Variants in COL15A1 observed in about 807,000 individuals in gnomAD.
COL15A1 encodes the protein collagen type XV alpha 1 chain.
A neutral mutation model predicts 165.9 loss-of-function variants in COL15A1; 111 were observed. The observed-to-expected ratio is 0.67, with a 90% CI of 0.57 to 0.78. The LOEUF (loss-of-function observed/expected upper bound fraction) is 0.78. Among genes scored for constraint, COL15A1 ranks in the 30% least tolerant of loss-of-function variants. The probability of loss-of-function intolerance (pLI) is 0.00; values close to 1 mark genes in which losing one functional copy is unlikely to be tolerated. For missense variants in COL15A1, 1,745 were observed against 1,789.7 expected (o/e 0.98, Z 0.45); for synonymous variants, 659 against 674.8 (o/e 0.98, Z 0.36).
chr9:98,985,647 T>C lies in COL15A1; in HGVS notation c.183T>C (p.Tyr61=). ...LPSSVSFVTG[Y]GGFPAYSFGP... ...CGTCCGTATCCTTTGTCACAGGCTA[T>C]GGTGGCTTCCCGGCCTACAGTTTCG... Residue 61 remains tyrosine (Y), a synonymous_variant, in exon 3 of 42, where the codon TAT becomes TAC. Coordinates refer to ENST00000375001, the MANE Select transcript of COL15A1 (RefSeq NM_001855.5). The C allele has an allele frequency of 6.2e-7, 1 of 1,614,274 alleles. No individual in the cohort carries two copies.
intron 2 of COL15A1, among the ~76,000 whole-genome samples, chr9:98,981,779 G>T (rs970469749): frequency 6.6e-6 from 1 of 152,150 alleles, no homozygotes; most frequent in Non-Finnish European, 1.5e-5. Flanking sequence ...ACGTGGAGTG[G>T]TGGGCACATA....
chr9:99,027,312 A>G (rs1009986895), intron 16 of COL15A1, among the ~76,000 whole-genome samples: 3 of 152,208 alleles, frequency 2.0e-5, no homozygotes. Flanking sequence ...GACTCTGTAG[A>G]CACCACCATC....
chr9:98,994,904 AG>A (rs1349455221), intron 5 of COL15A1, among the ~76,000 whole-genome samples: 1 of 152,032 alleles, frequency 6.6e-6, no homozygotes, highest in Admixed American at 6.5e-5. Context: ...CTGTCCTTGC[AG>A]GGGGGTTGGG....
intron 31 of COL15A1, among the ~76,000 whole-genome samples, chr9:99,053,226 C>T (rs1401248770): frequency 6.6e-6 from 1 of 152,202 alleles, no homozygotes; most frequent in Non-Finnish European, 1.5e-5. Flanking sequence ...TCTTTTTCCT[C>T]CAATATTCAC....
chr9:98,945,185 G>A (rs1458688292), intron 2 of COL15A1, among the ~76,000 whole-genome samples: 3 of 152,200 alleles, frequency 2.0e-5, no homozygotes, highest in South Asian at 2.1e-4. Flanking sequence ...AGCAATGCAA[G>A]TATTTTTATT....
At chr9:98,984,659 G>A (rs149120647) in intron 2 of COL15A1, among the ~76,000 whole-genome samples, 592 of 152,322 alleles carry the variant, frequency 3.9e-3, no homozygotes, top group African/African-American at 0.013. Flanking sequence ...TGATGTCAAA[G>A]GCGATGACAA....
In COL15A1 at chr9:99,056,407, T is replaced by C; in HGVS notation, c.3337+3T>C. On this transcript the variant is annotated splice_donor_region_variant and intron_variant, in intron 35 of 41. Transcript: ENST00000375001. Reference sequence around the variant, plus strand: ...ACCTCCAGCTATCCTGGGAGCAGGTTAGTGCCGTAAACAGTGCCCTTGTTC... The same window carrying C: ...ACCTCCAGCTATCCTGGGAGCAGGTCAGTGCCGTAAACAGTGCCCTTGTTC... 1 of 1,607,332 alleles carries C rather than the reference T, an allele frequency of 6.2e-7. No homozygotes were observed. The highest frequency in any genetic ancestry group is 8.5e-7 in the Non-Finnish European group (1 of 1,178,354).
At chr9:98,960,085 C>A (rs184089327) in intron 2 of COL15A1, among the ~76,000 whole-genome samples, 64 of 152,328 alleles carry the variant, frequency 4.2e-4, no homozygotes, top group African/African-American at 1.4e-3. Flanking sequence ...GGACCAGCAG[C>A]ATGGGCATCA....
intron 14 of COL15A1, among the ~76,000 whole-genome samples, chr9:99,024,473 A>G (rs1251388862): frequency 1.3e-5 from 2 of 151,794 alleles, no homozygotes; most frequent in East Asian, 3.9e-4. Flanking sequence ...TTTAGTAGAG[A>G]CAGGGTTTCA....
chr9:98,989,319 T>G (rs1254475347), intron 5 of COL15A1, 61 bp downstream of exon 5: 1 of 1,364,566 alleles, frequency 7.3e-7, no homozygotes, highest in African/African-American at 1.4e-5. Flanking sequence ...TGAGAATTAC[T>G]AGAGGGGGCC....
At chr9:99,023,843 G>C (rs902263855) in intron 14 of COL15A1, among the ~76,000 whole-genome samples, 1 of 152,084 alleles carries the variant, frequency 6.6e-6, no homozygotes, top group Non-Finnish European at 1.5e-5. Context: ...TTTGTCTCTG[G>C]GTGGCTATTC....
In COL15A1 at chr9:99,055,127, G is replaced by A; in HGVS notation, c.3057G>A (p.Leu1019=). The change falls in exon 33 of 42, where the codon CTG becomes CTA. Residue 1019 remains leucine (L), a synonymous_variant. Coordinates refer to ENST00000375001, the MANE Select transcript of COL15A1 (RefSeq NM_001855.5). ...PPGPPLDLAY[L]RHFLNNLKGE... is the part of the protein sequence containing the mutation. Reference sequence around the variant, plus strand: ...GTCCTCCACTTGATCTAGCTTACCTGAGACACTTTCTGAACAACTTGAAGG... The same window carrying A: ...GTCCTCCACTTGATCTAGCTTACCTAAGACACTTTCTGAACAACTTGAAGG... 1 of 1,613,472 alleles carries A rather than the reference G, an allele frequency of 6.2e-7. No homozygotes were observed. Among genetic ancestry groups the A allele is most frequent in the Non-Finnish European group, 8.5e-7 (1 of 1,179,394 alleles).
chr9:99,028,608 C>T (rs1179951516), intron 16 of COL15A1, among the ~76,000 whole-genome samples: 1 of 152,106 alleles, frequency 6.6e-6, no homozygotes, highest in African/African-American at 2.4e-5. Context: ...CGAGATCGCG[C>T]CACTGCACTT....
chr9:98,954,842 A>T (rs1837749798), intron 2 of COL15A1, among the ~76,000 whole-genome samples: 1 of 152,220 alleles, frequency 6.6e-6, no homozygotes, highest in Non-Finnish European at 1.5e-5. Flanking sequence ...AAATGACAAC[A>T]GGTAAAGGAA....
intron 32 of COL15A1, 90 bp downstream of exon 32, chr9:99,054,746 G>A (rs1825687966): frequency 4.3e-6 from 6 of 1,396,434 alleles, no homozygotes; most frequent in Non-Finnish European, 5.8e-6. Context: ...CAGAGGGTAA[G>A]ACTAATGACA....
rs1453416698 is a variant in COL15A1 at position 99,052,317 on chromosome 9, A to G, written c.2905-71A>G. The G allele has an allele frequency of 7.1e-6, 8 of 1,128,892 alleles. No individual in the cohort carries two copies. The African/African-American group carries it at 1.2e-4, about 17-fold the overall frequency. The allele number at this position is 1,128,892 out of a possible 1,614,324, so 69.9% of individuals were successfully genotyped here. ...CTCTTTTGTCACATGCCCCCGGGAC[A>G]GTGGCTGCCTGTTTCTGCAAACACC... On this transcript the variant is annotated intron_variant, in intron 30 of 41. Coordinates refer to ENST00000375001, the MANE Select transcript of COL15A1 (RefSeq NM_001855.5).
At position 99,029,367 on chromosome 9, in the gene COL15A1, G is replaced by A. The variant is rs911726184; in HGVS notation, c.2043+3401G>A. The stretch of plus-strand genomic sequence containing the variant: ...TGTAAAATCAGCTTCTGTCTTTTCC[G>A]TTGATGTAAGAGAAATACAATTAGA... On this transcript the variant is annotated intron_variant, in intron 16 of 41. Transcript: ENST00000375001. 3.2e-4 allele frequency among the ~76,000 whole-genome samples: 48 copies of A among 152,144 alleles called. 1 individual carries two copies. The highest frequency in any genetic ancestry group is 6.2e-4 in the South Asian group (3 of 4,830).
Position 99,056,319 on chromosome 9 carries a change from T to G in COL15A1, c.3252T>G (p.Pro1084=). ...GACCCCCAGGTGCTCCTGGTCTGCC[T>G]GGGCCACCTGGCTTTGGAAGACCTG... ...PQGPPGAPGL[P]GPPGFGRPGD... Residue 1084 remains proline, a synonymous_variant, in exon 35 of 42, where the codon CCT becomes CCG. Transcript: ENST00000375001. 6.2e-7 allele frequency: 1 copy of G among 1,614,084 alleles called. No individual in the cohort carries two copies. Among genetic ancestry groups the G allele is most frequent in the Non-Finnish European group, 8.5e-7 (1 of 1,180,024 alleles).
chr9:99,063,013 T>C (rs1385843998), intron 38 of COL15A1, 37 bp from the exon 39 acceptor site: 3 of 1,579,102 alleles, frequency 1.9e-6, no homozygotes, highest in Non-Finnish European at 2.6e-6. Flanking sequence ...ATTGAATGCA[T>C]ATTCAGAACT....
Sources: allele counts gnomAD v4.1 joint callset (sites outside exome capture counted in the v4.1 genomes callset), GRCh38; gene constraint gnomAD v4.1.1; transcripts MANE v1.5; gene names NCBI Gene and HGNC (gene_info 2026-07-23, HGNC 2026-07-21).